Variants in SAR1A observed in about 807,000 individuals in gnomAD.
SAR1A encodes secretion associated Ras related GTPase 1A, also known as small COPII coat GTPase SAR1A.
A neutral mutation model predicts 22.6 loss-of-function variants in SAR1A; 6 were observed. The observed-to-expected ratio is 0.27, with a 90% CI of 0.15 to 0.52. SAR1A has a LOEUF of 0.52. Ranked by LOEUF, SAR1A falls within the 20% of genes least tolerant of loss-of-function variation. The pLI, the probability that SAR1A is intolerant of heterozygous loss-of-function variation, is 0.96. For synonymous variants in SAR1A, 70 were observed against 82.2 expected, an observed-to-expected ratio of 0.85 and a Z score of 0.80; for missense variants, 145 against 245.1, an observed-to-expected ratio of 0.59 and a Z score of 2.73.
chr10:70,152,939 A>G (rs1374606035), intron 6 of SAR1A, among the ~76,000 whole-genome samples: 1 of 152,246 alleles, frequency 6.6e-6, no homozygotes, highest in African/African-American at 2.4e-5. Context: ...ACTGTTTAAA[A>G]ATAAGGACAT....
chr10:70,168,316 G>A (rs1839578850), intron 1 of SAR1A, among the ~76,000 whole-genome samples: 1 of 152,188 alleles, frequency 6.6e-6, no homozygotes, highest in African/African-American at 2.4e-5. Context: ...TCATCTAGTT[G>A]AAAATACTTG....
At chr10:70,170,200 AC>A (rs1486189086) in intron 1 of SAR1A, among the ~76,000 whole-genome samples, 2 of 151,856 alleles carry the variant, frequency 1.3e-5, no homozygotes, top group Non-Finnish European at 1.5e-5. Flanking sequence ...ATGCAAGTGG[AC>A]CCCAGGCAAA....
intron 3 of SAR1A, chr10:70,161,298 G>A: frequency 1.8e-6 from 1 of 546,782 alleles, no homozygotes; most frequent in Non-Finnish European, 3.2e-6. Context: ...TCCCAACAAA[G>A]AAAAGGAATA....
intron 5 of SAR1A, chr10:70,155,011 C>A: frequency 2.1e-6 from 1 of 474,104 alleles, no homozygotes; most frequent in Non-Finnish European, 4.3e-6. Flanking sequence ...GGAAGCCACA[C>A]AGTACTGCAT....
At chr10:70,158,924 A>G (rs1839430467) in intron 4 of SAR1A, among the ~76,000 whole-genome samples, 1 of 152,232 alleles carries the variant, frequency 6.6e-6, no homozygotes, top group Non-Finnish European at 1.5e-5. Flanking sequence ...ACAAAACCTG[A>G]AACCTAAATT....
Position 70,149,819 on chromosome 10 carries a change from T to C in SAR1A, c.*2657A>G, listed in dbSNP as rs1839306662. 1 of 152,026 alleles carries C rather than the reference T, an allele frequency of 6.6e-6. No homozygotes were observed. Among genetic ancestry groups the C allele is most frequent in the African/African-American group, 2.4e-5 (1 of 41,364 alleles). The allele number at this position is 152,026 out of a possible 1,614,324, so 9.4% of individuals were successfully genotyped here. A position where few individuals can be genotyped will look rare whatever the true frequency, so the allele number is the denominator to read the frequency against. On this transcript the variant is annotated 3_prime_UTR_variant, in exon 7 of 7. Transcript: ENST00000373241. ...ATCCACCCACCTCAGCCTCCCAAAG[T>C]GCTAGGATTACAGCGTGAGCCACCA...
chr10:70,162,485 G>A (rs1172600012), intron 1 of SAR1A, among the ~76,000 whole-genome samples: 1 of 133,048 alleles, frequency 7.5e-6, no homozygotes, highest in Non-Finnish European at 1.6e-5. Flanking sequence ...AGGGGAGGAG[G>A]GGGAGGGGAG....
rs77159955 is a variant in SAR1A at position 70,151,586 on chromosome 10, G to C, written c.*890C>G. The C allele has an allele frequency of 6.6e-6, 1 of 152,586 alleles. No homozygotes were observed. The highest frequency in any genetic ancestry group is 6.5e-5 in the Admixed American group (1 of 15,274). 9.5% of individuals were successfully genotyped at this position (152,586 alleles called of 1,614,324 possible). A position where few individuals can be genotyped will look rare whatever the true frequency, so the allele number is the denominator to read the frequency against. ...CTGATGCACCTGCAGTATGTGACAC[G>C]AGAGATGTTCTCAACTCTTTTATGA... On this transcript the variant is annotated 3_prime_UTR_variant, in exon 7 of 7. Transcript: ENST00000373241.
intron 1 of SAR1A, chr10:70,163,663 G>A (rs61856750): frequency 7.2e-4 from 542 of 750,808 alleles, no homozygotes; most frequent in Non-Finnish European, 1.0e-3. Flanking sequence ...GTTGCGTCTC[G>A]GAAACCAGTA....
intron 5 of SAR1A, 91 bp from the exon 6 acceptor site, chr10:70,154,060 C>T: frequency 1.0e-6 from 1 of 999,272 alleles, no homozygotes; most frequent in South Asian, 1.7e-5. Flanking sequence ...CTGACTTCCA[C>T]TAATCTTTTA....
At chr10:70,160,251 A>G (rs1425699990) in intron 4 of SAR1A, among the ~76,000 whole-genome samples, 4 of 152,178 alleles carry the variant, frequency 2.6e-5, no homozygotes, top group Non-Finnish European at 5.9e-5. Flanking sequence ...CCTGGATTTG[A>G]TAACTATTAT....
intron 4 of SAR1A, among the ~76,000 whole-genome samples, chr10:70,158,832 T>C (rs1839429798): frequency 6.6e-6 from 1 of 151,910 alleles, no homozygotes; most frequent in South Asian, 2.1e-4. Flanking sequence ...GGTTATTATG[T>C]AAAAGTGTTT....
Position 70,153,954 on chromosome 10 carries a change from C to A in SAR1A, c.364G>T (p.Glu122Ter). ...KVELNALMTD[E>*]TISNVPILIL... ...AGGATTGGCACATTGGATATTGTTT[C>A]ATCAGTCATTAAAGCCTAAAGATTG... The change falls in exon 6 of 7, where the codon GAA becomes TAA. Residue 122 changes from glutamate to a stop codon, truncating the protein, a stop_gained. Transcript: ENST00000373241. LOFTEE classifies it high-confidence loss of function. The A allele has an allele frequency of 6.3e-7, 1 of 1,582,116 alleles. No homozygotes were observed. Among genetic ancestry groups the A allele is most frequent in the Admixed American group, 1.9e-5 (1 of 53,918 alleles).
chr10:70,170,134 A>T (rs1839606933), intron 1 of SAR1A, among the ~76,000 whole-genome samples: 1 of 152,106 alleles, frequency 6.6e-6, no homozygotes, highest in Non-Finnish European at 1.5e-5. Flanking sequence ...ACCGGAGCGC[A>T]CGGTACAGAC....
chr10:70,158,269 T>A (rs1839420204), intron 4 of SAR1A, among the ~76,000 whole-genome samples: 1 of 152,206 alleles, frequency 6.6e-6, no homozygotes. Context: ...GCCTTGCCCC[T>A]GGGGCCAAGT....
Position 70,164,987 on chromosome 10 carries a change from A to G in SAR1A, c.-16-3056T>C, listed in dbSNP as rs149366627. 3.8e-3 allele frequency among the ~76,000 whole-genome samples: 572 copies of G among 152,290 alleles called. 3 individuals carry two copies. Among genetic ancestry groups the G allele is most frequent in the African/African-American group, 0.013 (543 of 41,550 alleles). On this transcript the variant is annotated intron_variant, in intron 1 of 6. Transcript: ENST00000373241. ...TCCCATGGATCAAGGAGTATTTTCGATTTGCCAGTCTTTCATTTAAGAAAT... is the reference window on the plus strand; with the variant it reads ...TCCCATGGATCAAGGAGTATTTTCGGTTTGCCAGTCTTTCATTTAAGAAAT...
chr10:70,167,395 G>C (rs1169286578), intron 1 of SAR1A: 1 of 151,940 alleles, frequency 6.6e-6, no homozygotes, highest in Non-Finnish European at 1.5e-5. Flanking sequence ...ACCAGTAAAA[G>C]CATTACCCAC....
Position 70,161,732 on chromosome 10 carries a change from T to C in SAR1A, c.65A>G (p.Tyr22Cys). 1 of 1,614,014 alleles carries C rather than the reference T, an allele frequency of 6.2e-7. No homozygotes were observed. Among genetic ancestry groups the C allele is most frequent in the Non-Finnish European group, 8.5e-7 (1 of 1,180,038 alleles). The change falls in exon 3 of 7, where the codon TAC (tyrosine) becomes TGC (cysteine). Residue 22 changes from tyrosine to cysteine, a missense_variant. By Grantham distance (194) the Tyr-to-Cys change is radical. Around this residue, in one of 3 missense-constraint regions of SAR1A, gnomAD observed 22 missense variants for 24.8 expected, o/e 0.89. Transcript: ENST00000373241. Reference sequence around the variant, plus strand: ...GAATACAAGTTTTCCAGATTTCTTGTACAGTCCTAAAAGAGAAAAAAATTG... The same window carrying C: ...GAATACAAGTTTTCCAGATTTCTTGCACAGTCCTAAAAGAGAAAAAAATTG... ...FSSVLQFLGL[Y>C]KKSGKLVFLG... is the part of the protein sequence containing the mutation.
chr10:70,163,831 A>T (rs746891730), intron 1 of SAR1A: 42 of 1,511,566 alleles, frequency 2.8e-5, no homozygotes, highest in Non-Finnish European at 3.7e-5. Context: ...GCAGAGTTAC[A>T]GGACATGATT....
Sources: gnomAD v4.1 joint callset for allele counts (sites outside exome capture counted in the v4.1 genomes callset) on GRCh38, gnomAD v4.1.1 for gene constraint, gnomAD v4.1.1 regional missense constraint, MANE v1.5 for transcripts, NCBI Gene and HGNC (gene_info 2026-07-23, HGNC 2026-07-21) for gene names.